Variants in GLYR1 observed in about 807,000 individuals in gnomAD.
GLYR1 encodes the protein cytokine-like nuclear factor N-PAC.
Under a neutral mutation model 72.7 loss-of-function variants are expected in GLYR1, and 21 were observed. The ratio of observed to expected loss-of-function variants is 0.29; its 90% CI spans 0.20 to 0.42. The LOEUF is 0.42. Among genes scored for constraint, GLYR1 ranks in the 10% least tolerant of loss-of-function variants. GLYR1 has a pLI of 1.00. For synonymous variants in GLYR1, 392 were observed against 270.2 expected, an observed-to-expected ratio of 1.45 and a Z score of -4.42; for missense variants, 594 against 712.1, an observed-to-expected ratio of 0.83 and a Z score of 1.89.
intron 9 of GLYR1, 128 bp from the exon 10 acceptor site, chr16:4,817,825 C>G: frequency 1.5e-6 from 1 of 674,028 alleles, no homozygotes; most frequent in Non-Finnish European, 2.7e-6. Flanking sequence ...CCAGAAACAG[C>G]AGTGGCCAAT....
rs2142014620 is a variant in GLYR1 at position 4,831,846 on chromosome 16, G to C, written c.537+133C>G. 17 of 1,306,862 alleles carry C rather than the reference G, an allele frequency of 1.3e-5. 1 individual carries two copies. The highest frequency in any genetic ancestry group is 5.5e-4 in the Middle Eastern group (2 of 3,636). The allele number at this position is 1,306,862 out of a possible 1,614,324, so 81.0% of individuals were successfully genotyped here. ...ACCGCACCTGCCCTGCAGGATTCTT[G>C]AGCACAGAATTCTGCTCCCACTCCA... On this transcript the variant is annotated intron_variant, in intron 5 of 15. Coordinates refer to ENST00000321919, the MANE Select transcript of GLYR1 (RefSeq NM_032569.4).
At chr16:4,833,007 G>T in intron 3 of GLYR1, 95 bp from the exon 4 acceptor site, 1 of 1,219,088 alleles carries the variant, frequency 8.2e-7, no homozygotes, top group Non-Finnish European at 1.1e-6. Flanking sequence ...ATATCCATTT[G>T]GTTTAACTGG....
intron 15 of GLYR1, among the ~76,000 whole-genome samples, chr16:4,809,086 T>A (rs1408219476): frequency 6.6e-6 from 1 of 151,742 alleles, no homozygotes; most frequent in African/African-American, 2.4e-5. Context: ...AATTACATAC[T>A]GTCTATCAAA....
In GLYR1 at chr16:4,817,481, A is replaced by G. The variant is rs2083721743; in HGVS notation, c.906+117T>C. The G allele has an allele frequency of 2.6e-5, 17 of 666,374 alleles. No individual in the cohort carries two copies. In the South Asian group the frequency reaches 2.9e-4, roughly 11 times the overall value. 41.3% of individuals were successfully genotyped at this position (666,374 alleles called of 1,614,324 possible). A position where few individuals can be genotyped will look rare whatever the true frequency, so the allele number is the denominator to read the frequency against. On this transcript the variant is annotated intron_variant, in intron 10 of 15. Transcript: ENST00000321919. ...ATCTACATCTCTACCTGCCTGGACT[A>G]AAAGCTTGGCTTCTATTCTATTGCA... is the stretch of plus-strand genomic sequence containing the variant.
At chr16:4,837,419 A>C (rs1012642799) in intron 3 of GLYR1, among the ~76,000 whole-genome samples, 2 of 151,958 alleles carry the variant, frequency 1.3e-5, no homozygotes, top group Non-Finnish European at 2.9e-5. Flanking sequence ...CGACAGAGCA[A>C]GACTTGGTCT....
intron 9 of GLYR1, among the ~76,000 whole-genome samples, chr16:4,820,551 A>G (rs1596336283): frequency 6.6e-6 from 1 of 152,204 alleles, no homozygotes. Context: ...TTTGCACCTA[A>G]TATGCCCTTA....
intron 9 of GLYR1, chr16:4,817,977 C>T (rs924259431): frequency 3.0e-6 from 1 of 330,074 alleles, no homozygotes; most frequent in South Asian, 4.4e-5. Context: ...GGGCCAGTCT[C>T]CCAGGGCAAA....
At chr16:4,819,180 T>G (rs1050655206) in intron 9 of GLYR1, among the ~76,000 whole-genome samples, 5 of 151,550 alleles carry the variant, frequency 3.3e-5, no homozygotes, top group Non-Finnish European at 5.9e-5. Context: ...TATTTATTTA[T>G]TTATTTAAAA....
Position 4,814,651 on chromosome 16 carries a change from C to CA in GLYR1, c.907-5dup. ...CCTCCTGGATGAACAAATCACACTG[C>CA]AAAAGTCACAGATCCTAACGTGAGC... On this transcript the variant is annotated splice_polypyrimidine_tract_variant and splice_region_variant and intron_variant, in intron 10 of 15. Coordinates refer to ENST00000321919, the MANE Select transcript of GLYR1 (RefSeq NM_032569.4). 2 of 1,606,038 alleles carry CA rather than the reference C, an allele frequency of 1.2e-6. No homozygotes were observed. Among genetic ancestry groups the CA allele is most frequent in the Non-Finnish European group, 1.7e-6 (2 of 1,172,758 alleles).
chr16:4,808,115 G>A (rs1449976467), intron 15 of GLYR1, among the ~76,000 whole-genome samples: 2 of 151,790 alleles, frequency 1.3e-5, no homozygotes. Context: ...GCATGCCTGC[G>A]GTTCCAGCTA....
At chr16:4,843,078 A>G (rs1027091331) in intron 3 of GLYR1, among the ~76,000 whole-genome samples, 5 of 152,216 alleles carry the variant, frequency 3.3e-5, no homozygotes, top group African/African-American at 1.2e-4. Flanking sequence ...GAACTATAAT[A>G]CTTGCTTTCT....
intron 3 of GLYR1, among the ~76,000 whole-genome samples, chr16:4,836,968 T>C (rs1386537321): frequency 1.3e-5 from 2 of 152,226 alleles, no homozygotes; most frequent in African/African-American, 2.4e-5. Flanking sequence ...TAACTGCACC[T>C]GTAACACAGC....
At chr16:4,835,102 A>G (rs2085047717) in intron 3 of GLYR1, among the ~76,000 whole-genome samples, 2 of 152,088 alleles carry the variant, frequency 1.3e-5, no homozygotes, top group South Asian at 4.1e-4. Context: ...ACAAGTTCCC[A>G]ATATAGGACC....
intron 9 of GLYR1, among the ~76,000 whole-genome samples, chr16:4,818,857 A>G (rs931592043): frequency 3.3e-5 from 5 of 151,932 alleles, no homozygotes; most frequent in African/African-American, 1.2e-4. Flanking sequence ...CCTTCCCCCA[A>G]ACCTCTCACT....
chr16:4,817,348 T>G (rs1249401616), intron 10 of GLYR1, among the ~76,000 whole-genome samples: 2 of 152,062 alleles, frequency 1.3e-5, no homozygotes, highest in East Asian at 3.9e-4. Context: ...CTCGATCTCC[T>G]GACCTCATGA....
chr16:4,820,871 G>C (rs894862707), intron 9 of GLYR1, among the ~76,000 whole-genome samples: 1 of 152,210 alleles, frequency 6.6e-6, no homozygotes, highest in African/African-American at 2.4e-5. Flanking sequence ...CAGGGTGCAG[G>C]ACAGCCAGCA....
intron 4 of GLYR1, 65 bp downstream of exon 4, chr16:4,832,709 C>G: frequency 6.6e-7 from 1 of 1,504,426 alleles, no homozygotes; most frequent in Non-Finnish European, 9.0e-7. Flanking sequence ...GACATTTAAT[C>G]TGTTAGTTGC....
intron 5 of GLYR1, among the ~76,000 whole-genome samples, chr16:4,830,210 G>T (rs2084701791): frequency 6.7e-6 from 1 of 148,630 alleles, no homozygotes; most frequent in South Asian, 2.1e-4. Context: ...ACTGCACCTG[G>T]CCAACTTTGT....
chr16:4,832,988 A>G (rs1005787824), intron 3 of GLYR1, 76 bp from the exon 4 acceptor site: 7 of 1,387,556 alleles, frequency 5.0e-6, no homozygotes, highest in Admixed American at 2.4e-5. Context: ...TCACTATGGC[A>G]CGGTGTAAAT....
Sources: gnomAD v4.1 joint callset for allele counts (sites outside exome capture counted in the v4.1 genomes callset) on GRCh38, gnomAD v4.1.1 for gene constraint, MANE v1.5 for transcripts, NCBI Gene and HGNC (gene_info 2026-07-23, HGNC 2026-07-21) for gene names.